The following MYZAP variants were observed in gnomAD, a reference collection of about 807,000 sequenced individuals.
MYZAP encodes the protein myocardial zonula adherens protein.
MYZAP carries 66 observed loss-of-function variants against 69.4 expected under a neutral mutation model. That is an observed-to-expected ratio of 0.95 (90% CI 0.78 to 1.17). The LOEUF is 1.17. Among genes scored for constraint, MYZAP ranks in the 50% most tolerant of loss-of-function variants. The pLI, the probability that MYZAP is intolerant of heterozygous loss-of-function variation, is 0.00. For synonymous variants in MYZAP, 256 were observed against 205.9 expected (o/e 1.24, Z -2.09); for missense variants, 611 against 556.2 (o/e 1.10, Z -0.99).
At position 57,632,531 on chromosome 15, in the gene MYZAP, A is replaced by G. The variant is rs1471096524; in HGVS notation, c.776A>G (p.Lys259Arg). ...GAGAAGCTGCAGGAAGAACAGAGGAAGCACAGTGCTGAGAAGGAGGCTCTT... is the reference window on the plus strand; with the variant it reads ...GAGAAGCTGCAGGAAGAACAGAGGAGGCACAGTGCTGAGAAGGAGGCTCTT... Reference protein sequence around the residue: ...YEEKLQEEQRKHSAEKEALLE... With the variant: ...YEEKLQEEQRRHSAEKEALLE... Residue 259 changes from lysine to arginine, a missense_variant, in exon 7 of 13, where the codon AAG (lysine) becomes AGG (arginine). Transcript: ENST00000267853. The G allele has an allele frequency of 1.2e-6, 2 of 1,614,180 alleles. No individual in the cohort carries two copies. Among genetic ancestry groups the G allele is most frequent in the East Asian group, 4.5e-5 (2 of 44,884 alleles).
rs371814833 is a variant in MYZAP, at chr15:57,629,770, G to T, written c.594G>T (p.Thr198=). 3 of 1,614,074 alleles carry T rather than the reference G, an allele frequency of 1.9e-6. No individual in the cohort carries two copies. The highest frequency in any genetic ancestry group is 1.1e-5 in the South Asian group (1 of 91,076). Reference sequence around the variant, plus strand: ...ATCAAATCAGAAATCTGCAGCAGACGTATGAAGCATCCATGGACAAGCTGA... The same window carrying T: ...ATCAAATCAGAAATCTGCAGCAGACTTATGAAGCATCCATGGACAAGCTGA... ...IKDQIRNLQQ[T]YEASMDKLRE... Residue 198 remains threonine, a synonymous_variant, in exon 6 of 13, where the codon ACG becomes ACT. Coordinates refer to ENST00000267853, the MANE Select transcript of MYZAP (RefSeq NM_001018100.5).
intron 2 of MYZAP, among the ~76,000 whole-genome samples, chr15:57,615,234 T>C (rs1251862914): frequency 6.6e-6 from 1 of 152,226 alleles, no homozygotes; most frequent in Non-Finnish European, 1.5e-5. Flanking sequence ...CTGAGGAAAC[T>C]GTCGTTAGAG....
chr15:57,674,423 C>T (rs985783079), intron 11 of MYZAP, among the ~76,000 whole-genome samples: 7 of 152,118 alleles, frequency 4.6e-5, no homozygotes, highest in African/African-American at 1.4e-4. Context: ...TCCACACCTA[C>T]GAAAGACTAA....
chr15:57,593,826 G>A (rs1211148763), intron 1 of MYZAP, among the ~76,000 whole-genome samples: 2 of 152,158 alleles, frequency 1.3e-5, no homozygotes, highest in African/African-American at 2.4e-5. Context: ...ATGGTTTCTA[G>A]CTCTGCTCAT....
intron 10 of MYZAP, chr15:57,648,057 G>A (rs770028203): frequency 2.2e-4 from 215 of 984,102 alleles, no homozygotes; most frequent in Non-Finnish European, 2.4e-4. Flanking sequence ...AGGCAGGAGT[G>A]ATTTATTGTG....
intron 3 of MYZAP, among the ~76,000 whole-genome samples, chr15:57,620,587 GTT>G (rs2035744991): frequency 6.6e-6 from 1 of 152,182 alleles, no homozygotes; most frequent in South Asian, 2.1e-4. Flanking sequence ...CTTGAACAGC[GTT>G]TGTGTAAACA....
At chr15:57,642,436 G>A (rs2037213431) in intron 10 of MYZAP, among the ~76,000 whole-genome samples, 1 of 152,182 alleles carries the variant, frequency 6.6e-6, no homozygotes, top group African/African-American at 2.4e-5. Context: ...TCTGACTCTA[G>A]AAGAGAAGTA....
rs772261774 is a variant in MYZAP at position 57,632,495 on chromosome 15, G to A, written c.740G>A (p.Ser247Asn). ...CGAGAGATGACCAAGAAGCTGTACA[G>A]CCAGTATGAGGAGAAGCTGCAGGAA... Reference protein sequence around the residue: ...VMREMTKKLYSQYEEKLQEEQ... With the variant: ...VMREMTKKLYNQYEEKLQEEQ... The change falls in exon 7 of 13, where the codon AGC becomes AAC. Residue 247 changes from serine (S) to asparagine (N), a missense_variant. Transcript: ENST00000267853. 6.2e-7 allele frequency: 1 copy of A among 1,614,228 alleles called. No individual in the cohort carries two copies. The highest frequency in any genetic ancestry group is 8.5e-7 in the Non-Finnish European group (1 of 1,180,032).
intron 11 of MYZAP, among the ~76,000 whole-genome samples, chr15:57,668,216 T>G (rs2733605): frequency 0.98 from 149,381 of 152,252 alleles, 73,337 homozygotes; most frequent in East Asian, 1. Context: ...TTTCCAGCTC[T>G]GGGCTATTGT....
Position 57,637,760 on chromosome 15 carries a change from T to C in MYZAP, c.999T>C (p.Asp333=), listed in dbSNP as rs202183202. 4.3e-6 allele frequency: 7 copies of C among 1,611,366 alleles called. No homozygotes were observed. The East Asian group carries it at 1.6e-4, about 36-fold the overall frequency. The change falls in exon 9 of 13, where the codon GAT becomes GAC. Residue 333 remains aspartate, a synonymous_variant. Transcript: ENST00000267853. Reference sequence around the variant, plus strand: ...CAGAAATGTCTGGGGAGTTAACTGATTCTGACAAGGAAAGGTAAGACGTAA... The same window carrying C: ...CAGAAATGTCTGGGGAGTTAACTGACTCTGACAAGGAAAGGTAAGACGTAA... ...HETEMSGELT[D]SDKERYQQLE...
intron 2 of MYZAP, among the ~76,000 whole-genome samples, chr15:57,608,516 G>A (rs1442358289): frequency 1.3e-5 from 2 of 152,120 alleles, no homozygotes. Flanking sequence ...GTTCCTTTTA[G>A]TCCTTCAGGA....
rs1329237145 is a variant in MYZAP at position 57,637,745 on chromosome 15, T to G, written c.984T>G (p.Ser328=). 2 of 1,612,666 alleles carry G rather than the reference T, an allele frequency of 1.2e-6. No homozygotes were observed. Among genetic ancestry groups the G allele is most frequent in the Non-Finnish European group, 1.7e-6 (2 of 1,179,344 alleles). The change falls in exon 9 of 13, where the codon TCT becomes TCG. Residue 328 remains serine (S), a synonymous_variant. Transcript: ENST00000267853. ...LQLLEHETEM[S]GELTDSDKER... Reference sequence around the variant, plus strand: ...TCCTAGAACATGAAACAGAAATGTCTGGGGAGTTAACTGATTCTGACAAGG... The same window carrying G: ...TCCTAGAACATGAAACAGAAATGTCGGGGGAGTTAACTGATTCTGACAAGG...
Position 57,619,274 on chromosome 15 carries a change from G to A in MYZAP, c.318+1086G>A, listed in dbSNP as rs117149677. Among the ~76,000 whole-genome samples, 1,266 of 152,234 alleles carry A rather than the reference G, an allele frequency of 8.3e-3. 12 individuals are homozygous for A. Among genetic ancestry groups the A allele is most frequent in the South Asian group, 0.045 (217 of 4,826 alleles). ...GAGGAAAAGCCAGCAAAATTAGCACGCATATACATAATGTATATGACAGCC... is the reference window on the plus strand; with the variant it reads ...GAGGAAAAGCCAGCAAAATTAGCACACATATACATAATGTATATGACAGCC... On this transcript the variant is annotated intron_variant, in intron 3 of 12. Transcript: ENST00000267853.
intron 10 of MYZAP, among the ~76,000 whole-genome samples, chr15:57,653,805 AAACAGCCTAAGT>A (rs1187028983): frequency 6.6e-6 from 1 of 151,826 alleles, no homozygotes; most frequent in African/African-American, 2.4e-5. Context: ...GGGGGTTTGA[AAACAGCCTAAGT>A]AACATAGCGA....
In MYZAP at chr15:57,674,939, C is replaced by G. The variant is rs199530066; in HGVS notation, c.1204-29C>G. On this transcript the variant is annotated intron_variant, in intron 11 of 12. Coordinates refer to ENST00000267853, the MANE Select transcript of MYZAP (RefSeq NM_001018100.5). ...TTTGAGGGGGAACATATTTGACTTA[C>G]TGAAAGTACCTTTTTTTCTCATCTC... 223 of 1,588,964 alleles carry G rather than the reference C, an allele frequency of 1.4e-4. 1 individual carries two copies. Among genetic ancestry groups the G allele is most frequent in the Non-Finnish European group, 2.6e-6 (3 of 1,164,586 alleles).
At chr15:57,652,272 C>T (rs934099341) in intron 10 of MYZAP, among the ~76,000 whole-genome samples, 3 of 152,154 alleles carry the variant, frequency 2.0e-5, no homozygotes, top group Admixed American at 6.5e-5. Flanking sequence ...TACTCCCCCC[C>T]AAATGAGATA....
chr15:57,616,904 A>C (rs1290431854), intron 2 of MYZAP, among the ~76,000 whole-genome samples: 1 of 142,394 alleles, frequency 7.0e-6, no homozygotes, highest in African/African-American at 2.6e-5. Flanking sequence ...GCAGGACAGC[A>C]GAATTACCTT....
chr15:57,605,934 T>TA (rs201246168), intron 2 of MYZAP, among the ~76,000 whole-genome samples: 2,660 of 151,778 alleles, frequency 0.018, 82 homozygotes, highest in African/African-American at 0.061. Flanking sequence ...CATCGAATAT[T>TA]AAAAAAAATC....
At chr15:57,664,516 A>G (rs1190735543) in intron 11 of MYZAP, among the ~76,000 whole-genome samples, 2 of 152,158 alleles carry the variant, frequency 1.3e-5, no homozygotes, top group Admixed American at 1.3e-4. Context: ...TAATGCTGAC[A>G]CGTTGCTGCC....
Sources: allele counts gnomAD v4.1 joint callset (sites outside exome capture counted in the v4.1 genomes callset), GRCh38; gene constraint gnomAD v4.1.1; transcripts MANE v1.5; gene names NCBI Gene and HGNC (gene_info 2026-07-23, HGNC 2026-07-21).